TMC1: variants seen among roughly 807,000 people sequenced by gnomAD.
TMC1 encodes the protein transmembrane channel like 1.
In TMC1, 84 loss-of-function variants were observed where a neutral mutation model predicts 105.8. The observed-to-expected ratio is 0.79, with a 90% CI of 0.67 to 0.95. The LOEUF is 0.95. Ranked by LOEUF, TMC1 falls within the 40% of genes least tolerant of loss-of-function variation. TMC1 has a pLI of 0.00. For synonymous variants in TMC1, 315 were observed against 311.5 expected (o/e 1.01, Z -0.12); for missense variants, 817 against 914.1 (o/e 0.89, Z 1.37).
intron 23 of TMC1, among the ~76,000 whole-genome samples, chr9:72,834,171 T>C (rs1277164235): frequency 6.6e-6 from 1 of 152,196 alleles, no homozygotes; most frequent in Non-Finnish European, 1.5e-5. Flanking sequence ...ATAATTTTAG[T>C]TTCTGCAAGC....
At chr9:72,700,487 T>A in intron 7 of TMC1, 31 bp from the exon 8 acceptor site, 1 of 1,545,998 alleles carries the variant, frequency 6.5e-7, no homozygotes, top group Non-Finnish European at 8.8e-7. Flanking sequence ...AAGCTTAACT[T>A]TATTAAGGTG....
chr9:72,654,007 C>T (rs542035234), intron 5 of TMC1, among the ~76,000 whole-genome samples: 5 of 152,204 alleles, frequency 3.3e-5, no homozygotes, highest in East Asian at 1.9e-4. Context: ...CTATTGTATA[C>T]GTGGTTCACA....
intron 5 of TMC1, among the ~76,000 whole-genome samples, chr9:72,655,622 G>T (rs1825871293): frequency 6.6e-6 from 1 of 151,808 alleles, no homozygotes. Flanking sequence ...GGCGCCTGTA[G>T]TCCCAGCTAC....
chr9:72,806,167 C>A (rs1298148738), intron 18 of TMC1, among the ~76,000 whole-genome samples: 4 of 146,410 alleles, frequency 2.7e-5, no homozygotes, highest in Non-Finnish European at 6.1e-5. Flanking sequence ...GCTGGCCGGG[C>A]GGGGGGCTGA....
intron 5 of TMC1, among the ~76,000 whole-genome samples, chr9:72,652,462 G>A (rs1825828319): frequency 6.6e-6 from 1 of 152,070 alleles, no homozygotes; most frequent in East Asian, 1.9e-4. Flanking sequence ...TTAGAGGTGG[G>A]TGGAGGAGGA....
intron 21 of TMC1, among the ~76,000 whole-genome samples, chr9:72,829,135 A>AT (rs988270564): frequency 4.5e-4 from 69 of 152,112 alleles, no homozygotes; most frequent in African/African-American, 1.6e-3. Flanking sequence ...TACTGAGTAT[A>AT]TTTTTTCAAA....
At chr9:72,623,147 G>GTTTTTTTTTTTTTCTT (rs1825285785) in intron 3 of TMC1, among the ~76,000 whole-genome samples, 4 of 113,678 alleles carry the variant, frequency 3.5e-5, no homozygotes, top group African/African-American at 6.9e-5. Flanking sequence ...CTCTCTCCCT[G>GTTTTTTTTTTTTTCTT]TTTTTTTTTT....
At chr9:72,722,633 A>G (rs1455890629) in intron 8 of TMC1, among the ~76,000 whole-genome samples, 1 of 152,226 alleles carries the variant, frequency 6.6e-6, no homozygotes, top group Non-Finnish European at 1.5e-5. Context: ...AAGTACTAGC[A>G]TAGTGCTTTG....
At chr9:72,681,636 G>A (rs995182598) in intron 5 of TMC1, among the ~76,000 whole-genome samples, 3 of 152,064 alleles carry the variant, frequency 2.0e-5, no homozygotes, top group Admixed American at 2.0e-4. Flanking sequence ...ATAATTTCAC[G>A]TACAATAAAA....
intron 20 of TMC1, among the ~76,000 whole-genome samples, chr9:72,823,209 A>AGAGCCAAAGGATGT (rs1324336658): frequency 1.7e-4 from 26 of 152,160 alleles, no homozygotes; most frequent in Non-Finnish European, 3.1e-4. Flanking sequence ...TCCTCACTTT[A>AGAGCCAAAGGATGT]GAGCCAAAGG....
chr9:72,754,845 G>A lies in TMC1; in HGVS notation c.702G>A (p.Glu234=), dbSNP rs762790929. The A allele has an allele frequency of 2.5e-6, 4 of 1,614,134 alleles. No homozygotes were observed. The East Asian group carries it at 8.9e-5, about 36-fold the overall frequency. Residue 234 remains glutamate (E), a synonymous_variant, in exon 12 of 24, where the codon GAG becomes GAA. Transcript: ENST00000297784. ...LPRKTVPRAE[E]ASAANFGVLY... ...GGAAAACCGTTCCCAGAGCCGAAGA[G>A]GCATCGGCAGCAAACTTTGGTGTGT...
chr9:72,753,286 C>CTTT (rs5898269), intron 11 of TMC1, among the ~76,000 whole-genome samples: 10,101 of 80,740 alleles, frequency 0.13, 766 homozygotes, highest in African/African-American at 0.17. Flanking sequence ...TTAACCCCAG[C>CTTT]TTTTTTTTTT....
chr9:72,618,411 T>G (rs1175635996), intron 3 of TMC1, among the ~76,000 whole-genome samples: 1 of 152,100 alleles, frequency 6.6e-6, no homozygotes, highest in East Asian at 1.9e-4. Context: ...AAGGAACAAT[T>G]TCTAAAAAGG....
intron 2 of TMC1, among the ~76,000 whole-genome samples, chr9:72,611,231 C>A (rs779615683): frequency 2.6e-5 from 4 of 152,150 alleles, no homozygotes; most frequent in Non-Finnish European, 5.9e-5. Flanking sequence ...GGAGAAATTT[C>A]TTTCCTTCAA....
At chr9:72,751,373 A>G (rs1374379892) in intron 10 of TMC1, among the ~76,000 whole-genome samples, 1 of 152,264 alleles carries the variant, frequency 6.6e-6, no homozygotes, top group African/African-American at 2.4e-5. Context: ...TCCGTAAAGG[A>G]TGTGGTAAAC....
chr9:72,640,999 G>A (rs1428464496), intron 4 of TMC1, among the ~76,000 whole-genome samples: 2 of 152,124 alleles, frequency 1.3e-5, no homozygotes, highest in Non-Finnish European at 2.9e-5. Context: ...TTTTCATGTG[G>A]CAGACAATAT....
At chr9:72,611,382 G>C (rs1271713650) in intron 2 of TMC1, among the ~76,000 whole-genome samples, 1 of 152,178 alleles carries the variant, frequency 6.6e-6, no homozygotes, top group African/African-American at 2.4e-5. Context: ...GCTATAGAGA[G>C]GTAAAGGTTG....
intron 1 of TMC1, among the ~76,000 whole-genome samples, chr9:72,553,647 G>A (rs1015381884): frequency 6.6e-5 from 10 of 152,030 alleles, no homozygotes; most frequent in African/African-American, 2.4e-4. Flanking sequence ...ACATTTTAAA[G>A]GCTTATTTTA....
chr9:72,711,274 T>C (rs1380241151), intron 8 of TMC1, among the ~76,000 whole-genome samples: 5 of 152,198 alleles, frequency 3.3e-5, no homozygotes, highest in Non-Finnish European at 7.3e-5. Context: ...ATCCTTTGGG[T>C]ATATACCCAG....
Sources: allele counts gnomAD v4.1 joint callset (sites outside exome capture counted in the v4.1 genomes callset), GRCh38; gene constraint gnomAD v4.1.1; transcripts MANE v1.5; gene names NCBI Gene and HGNC (gene_info 2026-07-23, HGNC 2026-07-21).